The following ADCY2 variants were observed in gnomAD, a reference collection of about 807,000 sequenced individuals.
ADCY2 encodes adenylate cyclase 2.
Under a neutral mutation model 125.2 loss-of-function variants are expected in ADCY2, and 31 were observed. The ratio of observed to expected loss-of-function variants is 0.25; its 90% CI spans 0.19 to 0.33. ADCY2 has a LOEUF of 0.33. ADCY2 is among the 10% of genes least tolerant of loss of function. The probability of loss-of-function intolerance (pLI) is 1.00; values close to 1 mark genes in which losing one functional copy is unlikely to be tolerated. For synonymous variants in ADCY2, 512 were observed against 548.4 expected (o/e 0.93, Z 0.93); for missense variants, 904 against 1,418.2 (o/e 0.64, Z 5.82).
At position 7,782,709 on chromosome 5, in the gene ADCY2, T is replaced by C. The variant is rs575930412; in HGVS notation, c.2385-1656T>C. On this transcript the variant is annotated intron_variant, in intron 18 of 24. Transcript: ENST00000338316. ...CTCAGCCTACATTAGCTTCGTAGGA[T>C]GTTAGCTGTGTGGTACCACTTTCAC... is the stretch of plus-strand genomic sequence containing the variant. Among the ~76,000 whole-genome samples the C allele has an allele frequency of 1.9e-3, 293 of 152,354 alleles. 3 individuals are homozygous for C. The highest frequency in any genetic ancestry group is 6.9e-3 in the African/African-American group (287 of 41,578).
At chr5:7,571,414 TCCTC>T (rs1184511203) in intron 3 of ADCY2, among the ~76,000 whole-genome samples, 2 of 152,148 alleles carry the variant, frequency 1.3e-5, no homozygotes, top group African/African-American at 4.8e-5. Flanking sequence ...AATTTGCCCT[TCCTC>T]CACCTTTCTG....
At chr5:7,775,814 T>C (rs1743704709) in intron 18 of ADCY2, among the ~76,000 whole-genome samples, 1 of 152,250 alleles carries the variant, frequency 6.6e-6, no homozygotes, top group African/African-American at 2.4e-5. Context: ...CTGGCACTTC[T>C]TGAACTGATC....
chr5:7,536,081 G>T (rs13180878), intron 3 of ADCY2, among the ~76,000 whole-genome samples: 5 of 152,016 alleles, frequency 3.3e-5, no homozygotes, highest in African/African-American at 1.2e-4. Flanking sequence ...TTTTACTGCT[G>T]CAAGCTGTGG....
chr5:7,560,528 A>G (rs1186488475), intron 3 of ADCY2, among the ~76,000 whole-genome samples: 1 of 151,976 alleles, frequency 6.6e-6, no homozygotes, highest in Non-Finnish European at 1.5e-5. Context: ...TTTTTTTAAT[A>G]GTGTTGACCC....
At chr5:7,593,372 TTTAA>T (rs1027600715) in intron 3 of ADCY2, among the ~76,000 whole-genome samples, 26 of 152,252 alleles carry the variant, frequency 1.7e-4, no homozygotes, top group African/African-American at 5.8e-4. Flanking sequence ...TTGCAGGAGT[TTTAA>T]TTAAAGAGGT....
In ADCY2 at chr5:7,421,644, G is replaced by C. The variant is rs183774423; in HGVS notation, c.408+6874G>C. Among the ~76,000 whole-genome samples, 17 of 152,284 alleles carry C rather than the reference G, an allele frequency of 1.1e-4. 1 individual carries two copies. In the South Asian group the frequency reaches 2.5e-3, roughly 22 times the overall value. ...CACAGTTCAACTCCTAACTGACAAC[G>C]GTTCCCTAAGTGGGTGCTCTCTGGT... is the stretch of plus-strand genomic sequence containing the variant. On this transcript the variant is annotated intron_variant, in intron 2 of 24. Coordinates refer to ENST00000338316, the MANE Select transcript of ADCY2 (RefSeq NM_020546.3).
chr5:7,558,681 G>A (rs1402638613), intron 3 of ADCY2, among the ~76,000 whole-genome samples: 2 of 152,092 alleles, frequency 1.3e-5, no homozygotes, highest in Non-Finnish European at 2.9e-5. Flanking sequence ...AAGCTTTTAA[G>A]TTTAATTAGA....
intron 14 of ADCY2, among the ~76,000 whole-genome samples, chr5:7,736,347 C>T (rs1327448553): frequency 6.6e-6 from 1 of 151,996 alleles, no homozygotes; most frequent in African/African-American, 2.4e-5. Flanking sequence ...TATAGGTAAG[C>T]CTATTTATAT....
intron 4 of ADCY2, among the ~76,000 whole-genome samples, chr5:7,633,384 C>T (rs1451146421): frequency 6.8e-6 from 1 of 147,346 alleles, no homozygotes; most frequent in East Asian, 2.0e-4. Flanking sequence ...TGCAGTGAGC[C>T]AAGATCACAG....
chr5:7,664,830 A>G (rs531047196), intron 4 of ADCY2, among the ~76,000 whole-genome samples: 14 of 152,188 alleles, frequency 9.2e-5, no homozygotes, highest in Non-Finnish European at 1.8e-4. Flanking sequence ...GAAGTCTGCT[A>G]TCTGAGAGAT....
intron 11 of ADCY2, 103 bp from the exon 12 acceptor site, chr5:7,717,054 T>C: frequency 1.4e-6 from 1 of 691,166 alleles, no homozygotes; most frequent in Non-Finnish European, 2.5e-6. Context: ...AAATGTCATC[T>C]GTATCTCATA....
At chr5:7,723,942 A>AAAAAAAAAAAAAAAAAAAAAAAC (rs1741849476) in intron 12 of ADCY2, among the ~76,000 whole-genome samples, 1 of 133,290 alleles carries the variant, frequency 7.5e-6, no homozygotes, top group Non-Finnish European at 1.6e-5. Flanking sequence ...AAAAAAAAAA[A>AAAAAAAAAAAAAAAAAAAAAAAC]AAGAGAAAAG....
At chr5:7,448,647 A>G (rs919767538) in intron 2 of ADCY2, among the ~76,000 whole-genome samples, 13 of 151,800 alleles carry the variant, frequency 8.6e-5, no homozygotes, top group African/African-American at 2.9e-4. Context: ...CTACCCTCCA[A>G]CAGGTCCTCG....
At position 7,828,436 on chromosome 5, in the gene ADCY2, C is replaced by T. The variant is rs557472913; in HGVS notation, c.*1565C>T. The T allele has an allele frequency of 6.2e-4, 94 of 152,270 alleles. No individual in the cohort carries two copies. Among genetic ancestry groups the T allele is most frequent in the African/African-American group, 2.1e-3 (89 of 41,564 alleles). 9.4% of individuals were successfully genotyped at this position (152,270 alleles called of 1,614,324 possible). On this transcript the variant is annotated 3_prime_UTR_variant, in exon 25 of 25. Coordinates refer to ENST00000338316, the MANE Select transcript of ADCY2 (RefSeq NM_020546.3). ...ACTTATGGACTCGCTAGTGATTAAA[C>T]GAGGCAATGACTGTGAGCGAGCCTG...
At chr5:7,811,404 G>A (rs548803569) in intron 22 of ADCY2, among the ~76,000 whole-genome samples, 79 of 152,026 alleles carry the variant, frequency 5.2e-4, no homozygotes, top group Non-Finnish European at 2.2e-4. Flanking sequence ...GGGAGGCTGA[G>A]GCAGGAGAAT....
At chr5:7,805,872 A>G (rs539766239) in intron 22 of ADCY2, among the ~76,000 whole-genome samples, 1 of 152,344 alleles carries the variant, frequency 6.6e-6, no homozygotes, top group African/African-American at 2.4e-5. Context: ...CTTCCAGTTA[A>G]TTGGAGTGAT....
At chr5:7,397,092 T>A (rs1169721258) in intron 1 of ADCY2, among the ~76,000 whole-genome samples, 2 of 152,236 alleles carry the variant, frequency 1.3e-5, no homozygotes, top group African/African-American at 4.8e-5. Flanking sequence ...CGGAAAGTGA[T>A]GTGGTGTTGA....
rs1429747359 is a variant in ADCY2 at position 7,399,374 on chromosome 5, C to T, written c.210+2868C>T. ...GCCTTTGTAGAAGTGATTTGGAATA[C>T]ATACTAAAAAGAAAAAAGCAAGCTT... is the stretch of plus-strand genomic sequence containing the variant. On this transcript the variant is annotated intron_variant, in intron 1 of 24. Coordinates refer to ENST00000338316, the MANE Select transcript of ADCY2 (RefSeq NM_020546.3). Among the ~76,000 whole-genome samples, 3 of 152,142 alleles carry T rather than the reference C, an allele frequency of 2.0e-5. No individual in the cohort carries two copies. The East Asian group carries it at 5.8e-4, about 29-fold the overall frequency.
At chr5:7,796,521 A>G (rs1346654510) in intron 20 of ADCY2, 3 of 152,198 alleles carry the variant, frequency 2.0e-5, no homozygotes, top group Non-Finnish European at 4.4e-5. Context: ...CGCTGTAACA[A>G]TCAATTCTGA....
Sources: allele counts gnomAD v4.1 joint callset (sites outside exome capture counted in the v4.1 genomes callset), GRCh38; gene constraint gnomAD v4.1.1; transcripts MANE v1.5; gene names NCBI Gene and HGNC (gene_info 2026-07-23, HGNC 2026-07-21).